The following GALNTL6 variants were observed in gnomAD, a reference collection of about 807,000 sequenced individuals.
GALNTL6 encodes the protein polypeptide N-acetylgalactosaminyltransferase-like 6.
GALNTL6 carries 46 observed loss-of-function variants against 73.7 expected under a neutral mutation model. The ratio of observed to expected loss-of-function variants is 0.62; its 90% CI spans 0.49 to 0.80. GALNTL6 has a LOEUF of 0.80. Ranked by LOEUF, GALNTL6 falls within the 30% of genes least tolerant of loss-of-function variation. The pLI is 0.00. For missense variants in GALNTL6, 604 were observed against 755.0 expected, an observed-to-expected ratio of 0.80 and a Z score of 2.34; for synonymous variants, 259 against 263.7, an observed-to-expected ratio of 0.98 and a Z score of 0.17.
chr4:172,539,991 G>A (rs1735491580), intron 5 of GALNTL6, among the ~76,000 whole-genome samples: 1 of 147,656 alleles, frequency 6.8e-6, no homozygotes, highest in Non-Finnish European at 1.5e-5. Context: ...CTTGGGGTTA[G>A]AAACTTTAGG....
intron 5 of GALNTL6, among the ~76,000 whole-genome samples, chr4:172,539,879 A>T (rs1376928214): frequency 3.1e-5 from 1 of 32,100 alleles, no homozygotes; most frequent in African/African-American, 1.9e-4. Context: ...ATATGATTAT[A>T]TATATATATA....
At chr4:172,045,137 C>T (rs894902370) in intron 2 of GALNTL6, among the ~76,000 whole-genome samples, 1 of 151,902 alleles carries the variant, frequency 6.6e-6, no homozygotes, top group African/African-American at 2.4e-5. Context: ...CATACAAAAA[C>T]TTTCAGTGTT....
intron 5 of GALNTL6, among the ~76,000 whole-genome samples, chr4:172,688,960 C>T (rs1391323396): frequency 9.9e-5 from 1 of 10,068 alleles, no homozygotes; most frequent in East Asian, 3.0e-3. Flanking sequence ...CAACTCCCTA[C>T]TCAGTAACCC....
At chr4:172,736,254 C>G (rs886749128) in intron 5 of GALNTL6, among the ~76,000 whole-genome samples, 2 of 152,196 alleles carry the variant, frequency 1.3e-5, no homozygotes, top group Non-Finnish European at 2.9e-5. Context: ...TCTACAACTG[C>G]ATAAGACAGA....
At chr4:172,767,570 T>G (rs6842805) in intron 5 of GALNTL6, among the ~76,000 whole-genome samples, 72,760 of 151,680 alleles carry the variant, frequency 0.48, 18,283 homozygotes, top group African/African-American at 0.63. Flanking sequence ...TTAAGGTAGT[T>G]TAAAATTCTA....
intron 5 of GALNTL6, among the ~76,000 whole-genome samples, chr4:172,360,908 G>C (rs1474000211): frequency 6.6e-6 from 1 of 152,176 alleles, no homozygotes; most frequent in Non-Finnish European, 1.5e-5. Context: ...TTGAAGGCCA[G>C]AAGCAATTGC....
chr4:172,720,395 G>C (rs941952497), intron 5 of GALNTL6, among the ~76,000 whole-genome samples: 5 of 152,152 alleles, frequency 3.3e-5, no homozygotes, highest in Non-Finnish European at 5.9e-5. Flanking sequence ...AAGAGGAGGG[G>C]CCAGGCTCCT....
chr4:172,161,195 T>G (rs951894550), intron 2 of GALNTL6, among the ~76,000 whole-genome samples: 1 of 152,002 alleles, frequency 6.6e-6, no homozygotes, highest in Non-Finnish European at 1.5e-5. Context: ...CATAGAGCAG[T>G]GGTCTCTTAT....
intron 3 of GALNTL6, among the ~76,000 whole-genome samples, chr4:172,243,824 G>T (rs1325567301): frequency 3.9e-5 from 6 of 152,024 alleles, no homozygotes; most frequent in Non-Finnish European, 8.8e-5. Context: ...CTCCCTAATT[G>T]AACAAGATTG....
At chr4:172,526,043 T>C (rs1406744053) in intron 5 of GALNTL6, among the ~76,000 whole-genome samples, 1 of 152,222 alleles carries the variant, frequency 6.6e-6, no homozygotes, top group Admixed American at 6.6e-5. Context: ...GAATTGAAGT[T>C]TACCTTAATG....
chr4:172,488,629 G>A (rs1382419594), intron 5 of GALNTL6, among the ~76,000 whole-genome samples: 1 of 152,184 alleles, frequency 6.6e-6, no homozygotes, highest in African/African-American at 2.4e-5. Context: ...ACCCACTAAA[G>A]CTAAATAGTA....
chr4:172,211,188 C>G (rs1197869644), intron 2 of GALNTL6, among the ~76,000 whole-genome samples: 1 of 152,238 alleles, frequency 6.6e-6, no homozygotes, highest in African/African-American at 2.4e-5. Flanking sequence ...CCAGTTCAGT[C>G]ATATAATCAA....
intron 2 of GALNTL6, among the ~76,000 whole-genome samples, chr4:172,006,983 T>C (rs1338168950): frequency 6.6e-6 from 1 of 152,200 alleles, no homozygotes; most frequent in Non-Finnish European, 1.5e-5. Flanking sequence ...TTAAAGTTAA[T>C]ATGTAAAGCA....
At chr4:171,831,931 A>AT (rs1037054964) in intron 2 of GALNTL6, among the ~76,000 whole-genome samples, 5 of 151,526 alleles carry the variant, frequency 3.3e-5, no homozygotes, top group South Asian at 2.1e-4. Context: ...ACACAAAAGT[A>AT]TTTTTTTATT....
intron 2 of GALNTL6, among the ~76,000 whole-genome samples, chr4:172,006,373 A>G (rs1445923751): frequency 6.6e-6 from 1 of 152,128 alleles, no homozygotes; most frequent in Admixed American, 6.6e-5. Flanking sequence ...CTTGCCTGTA[A>G]TCCTAGTACC....
At chr4:172,648,286 C>T (rs1243553013) in intron 5 of GALNTL6, among the ~76,000 whole-genome samples, 4 of 152,126 alleles carry the variant, frequency 2.6e-5, no homozygotes, top group East Asian at 3.9e-4. Flanking sequence ...GCTCCTAAAG[C>T]TTCTAAAGTA....
chr4:172,857,417 G>A (rs17318489), intron 7 of GALNTL6, among the ~76,000 whole-genome samples: 74,124 of 151,860 alleles, frequency 0.49, 21,263 homozygotes, highest in East Asian at 0.91. Flanking sequence ...GTTTAATGCA[G>A]GATCACTATG....
intron 8 of GALNTL6, among the ~76,000 whole-genome samples, chr4:172,893,436 C>A (rs1022075330): frequency 6.6e-6 from 1 of 151,962 alleles, no homozygotes; most frequent in Admixed American, 6.6e-5. Context: ...AGTTTTGGGA[C>A]CACACCTACA....
intron 2 of GALNTL6, among the ~76,000 whole-genome samples, chr4:171,927,728 A>G (rs937878897): frequency 2.0e-5 from 3 of 151,860 alleles, no homozygotes; most frequent in African/African-American, 7.3e-5. Context: ...AAAATTTGTG[A>G]TTCCCTTTGC....
Sources: gnomAD v4.1 joint callset for allele counts (sites outside exome capture counted in the v4.1 genomes callset) on GRCh38, gnomAD v4.1.1 for gene constraint, MANE v1.5 for transcripts, NCBI Gene and HGNC (gene_info 2026-07-23, HGNC 2026-07-21) for gene names.